DNM3: variants seen among roughly 807,000 people sequenced by gnomAD.
DNM3 encodes dynamin 3.
Under a neutral mutation model 101.6 loss-of-function variants are expected in DNM3, and 47 were observed. The observed-to-expected ratio is 0.46, with a 90% confidence interval of 0.37 to 0.59. The LOEUF (loss-of-function observed/expected upper bound fraction) is 0.59. Ranked by LOEUF, DNM3 falls within the 20% of genes least tolerant of loss-of-function variation. The pLI is 0.00. For missense variants in DNM3, 849 were observed against 1,085.7 expected, an observed-to-expected ratio of 0.78 and a Z score of 3.06; for synonymous variants, 385 against 387.9, an observed-to-expected ratio of 0.99 and a Z score of 0.09.
downstream of DNM3, among the ~76,000 whole-genome samples, chr1:172,416,626 C>G (rs1249521216): frequency 2.6e-5 from 4 of 152,160 alleles, no homozygotes; most frequent in Non-Finnish European, 5.9e-5. Context: ...AATGTCGCTT[C>G]AGCACTGTGG....
chr1:172,355,562 C>T (rs1457441507), intron 17 of DNM3, among the ~76,000 whole-genome samples: 3 of 152,064 alleles, frequency 2.0e-5, no homozygotes, highest in Non-Finnish European at 1.5e-5. Context: ...TGTTCTGTAG[C>T]ATTTGCTAAT....
At chr1:172,378,721 T>C (rs1379732474) in intron 17 of DNM3, among the ~76,000 whole-genome samples, 5 of 152,052 alleles carry the variant, frequency 3.3e-5, no homozygotes, top group Admixed American at 2.0e-4. Flanking sequence ...GATTAGATTG[T>C]TCTCTGGAGG....
intron 10 of DNM3, among the ~76,000 whole-genome samples, chr1:172,053,411 C>T (rs1040314451): frequency 6.6e-6 from 1 of 152,144 alleles, no homozygotes; most frequent in East Asian, 1.9e-4. Context: ...CCTGGTCTCT[C>T]TCCCAACTCC....
At chr1:171,977,845 C>T (rs745920857) in intron 2 of DNM3, among the ~76,000 whole-genome samples, 3 of 152,162 alleles carry the variant, frequency 2.0e-5, no homozygotes, top group Admixed American at 1.3e-4. Context: ...CTCTTCCACA[C>T]GGTGGCTTCA....
intron 17 of DNM3, among the ~76,000 whole-genome samples, chr1:172,365,052 A>T (rs1438681125): frequency 1.3e-5 from 2 of 151,922 alleles, no homozygotes; most frequent in African/African-American, 4.8e-5. Flanking sequence ...GAACTAATAC[A>T]CACAGTATAT....
At chr1:172,300,844 G>A (rs957053156) in intron 15 of DNM3, among the ~76,000 whole-genome samples, 14 of 152,188 alleles carry the variant, frequency 9.2e-5, no homozygotes, top group African/African-American at 3.4e-4. Context: ...TGGAAGACAG[G>A]TGATAAAGAG....
intron 14 of DNM3, among the ~76,000 whole-genome samples, chr1:172,201,252 T>G (rs1343165283): frequency 6.6e-6 from 1 of 152,158 alleles, no homozygotes; most frequent in Non-Finnish European, 1.5e-5. Flanking sequence ...TTCCTCACAG[T>G]TACAGCCGTG....
At chr1:172,204,122 T>C (rs931988001) in intron 14 of DNM3, among the ~76,000 whole-genome samples, 1 of 152,164 alleles carries the variant, frequency 6.6e-6, no homozygotes, top group East Asian at 1.9e-4. Context: ...CCAGGTGTGC[T>C]ACTTTTCTTC....
At chr1:171,942,642 A>AT (rs1269751815) in intron 2 of DNM3, among the ~76,000 whole-genome samples, 1 of 152,166 alleles carries the variant, frequency 6.6e-6, no homozygotes, top group Non-Finnish European at 1.5e-5. Flanking sequence ...AACTAAGTAA[A>AT]TTATGTAGTA....
At chr1:172,167,898 T>C (rs953582055) in intron 14 of DNM3, among the ~76,000 whole-genome samples, 3 of 152,032 alleles carry the variant, frequency 2.0e-5, no homozygotes, top group South Asian at 2.1e-4. Context: ...AACTGTGTCT[T>C]GATAACTCAT....
chr1:172,242,803 A>G (rs1488272012), intron 14 of DNM3, among the ~76,000 whole-genome samples: 2 of 152,050 alleles, frequency 1.3e-5, no homozygotes, highest in Non-Finnish European at 2.9e-5. Flanking sequence ...CCTCACTACC[A>G]TACCCACGCA....
intron 14 of DNM3, among the ~76,000 whole-genome samples, chr1:172,198,848 C>CA (rs1553414408): frequency 6.6e-6 from 1 of 151,398 alleles, no homozygotes; most frequent in Non-Finnish European, 1.5e-5. Context: ...TTAATTTTTT[C>CA]AAAAAATCAA....
chr1:171,966,199 A>G lies in DNM3; in HGVS notation c.236-21457A>G, dbSNP rs146976650. 6.9e-3 allele frequency among the ~76,000 whole-genome samples: 1,047 copies of G among 152,246 alleles called. 8 individuals carry two copies. Among genetic ancestry groups the G allele is most frequent in the African/African-American group, 0.016 (678 of 41,556 alleles). ...TTCCCACGTGGCCCACATCTGTTCT[A>G]TGGGAATTTTTCACATATTCTATCC... On this transcript the variant is annotated intron_variant, in intron 2 of 20. Coordinates refer to ENST00000627582, the MANE Select transcript of DNM3 (RefSeq NM_015569.5).
At chr1:172,009,104 ATATATTATATATCATATAATATATATATT>A (rs2046931870) in intron 4 of DNM3, among the ~76,000 whole-genome samples, 1 of 138,458 alleles carries the variant, frequency 7.2e-6, no homozygotes, top group Non-Finnish European at 1.5e-5. Context: ...ATATGTATTT[ATATATTATATATCATATAATATATATATT>A]TATATTATAT....
intron 14 of DNM3, among the ~76,000 whole-genome samples, chr1:172,234,753 C>T (rs746362768): frequency 7.9e-5 from 12 of 151,114 alleles, no homozygotes; most frequent in African/African-American, 1.7e-4. Flanking sequence ...ATCTGATCTT[C>T]GACACCTATT....
intron 17 of DNM3, among the ~76,000 whole-genome samples, chr1:172,333,830 GC>G (rs1342110608): frequency 2.0e-5 from 3 of 152,128 alleles, no homozygotes; most frequent in Admixed American, 6.6e-5. Context: ...TTAAAGACCA[GC>G]TTTGCATAAT....
chr1:172,320,690 A>T (rs544654355), intron 16 of DNM3, among the ~76,000 whole-genome samples: 4 of 152,068 alleles, frequency 2.6e-5, no homozygotes, highest in African/African-American at 7.2e-5. Flanking sequence ...TGTGAAGGAG[A>T]ATTTCCCATC....
intron 20 of DNM3, 105 bp from the exon 21 acceptor site, chr1:172,407,667 T>C (rs2070992260): frequency 6.3e-6 from 7 of 1,106,700 alleles, no homozygotes; most frequent in Admixed American, 1.7e-5. Context: ...TGCTGGCCTG[T>C]ATGTGCATGA....
chr1:172,355,571 A>G (rs895297485), intron 17 of DNM3, among the ~76,000 whole-genome samples: 1 of 152,118 alleles, frequency 6.6e-6, no homozygotes, highest in African/African-American at 2.4e-5. Flanking sequence ...GCATTTGCTA[A>G]TTTCCATGGT....
Sources: gnomAD v4.1 joint callset for allele counts (sites outside exome capture counted in the v4.1 genomes callset) on GRCh38, gnomAD v4.1.1 for gene constraint, MANE v1.5 for transcripts, NCBI Gene and HGNC (gene_info 2026-07-23, HGNC 2026-07-21) for gene names.